The following NLRP1 variants were observed in gnomAD, a reference collection of about 807,000 sequenced individuals.
NLRP1 encodes NACHT, LRR and PYD domains-containing protein 1.
In NLRP1, 94 loss-of-function variants were observed where a neutral mutation model predicts 136.7. The observed-to-expected ratio is 0.69, with a 90% CI of 0.58 to 0.82. The LOEUF (loss-of-function observed/expected upper bound fraction) is 0.82, where lower values mean the gene tolerates loss of function less well. NLRP1 is among the 40% of genes least tolerant of loss of function. The pLI is 0.00. For synonymous variants in NLRP1, 690 were observed against 725.1 expected, an observed-to-expected ratio of 0.95 and a Z score of 0.78; for missense variants, 1,575 against 1,802.7, an observed-to-expected ratio of 0.87 and a Z score of 2.29.
chr17:5,534,508 C>T (rs990364377), intron 8 of NLRP1, among the ~76,000 whole-genome samples: 2 of 152,196 alleles, frequency 1.3e-5, no homozygotes, highest in African/African-American at 4.8e-5. Flanking sequence ...CAACTCCTTC[C>T]TCGCCCACCC....
chr17:5,515,818 G>A (rs1360212450), intron 15 of NLRP1, among the ~76,000 whole-genome samples: 1 of 152,198 alleles, frequency 6.6e-6, no homozygotes, highest in African/African-American at 2.4e-5. Context: ...TTAATCCCGT[G>A]TTGGCCTGAA....
At chr17:5,554,500 C>T (rs1275246658) in intron 4 of NLRP1, among the ~76,000 whole-genome samples, 1 of 152,130 alleles carries the variant, frequency 6.6e-6, no homozygotes, top group African/African-American at 2.4e-5. Context: ...CATCTTTTCC[C>T]CTAAGTCTGC....
intron 11 of NLRP1, among the ~76,000 whole-genome samples, chr17:5,532,117 T>C (rs1910369453): frequency 6.6e-6 from 1 of 152,224 alleles, no homozygotes; most frequent in African/African-American, 2.4e-5. Context: ...CGTGGTGGCA[T>C]GTGACTGTAG....
At chr17:5,512,615 AG>A (rs1195271119), downstream of NLRP1, 8 of 465,112 alleles carry the variant, frequency 1.7e-5, no homozygotes, top group African/African-American at 1.9e-5. Flanking sequence ...CCGAAAGACA[AG>A]GCCAGTCTCA....
At position 5,520,943 on chromosome 17, in the gene NLRP1, A is replaced by G; in HGVS notation, c.3853T>C (p.Tyr1285His). 6.2e-7 allele frequency: 1 copy of G among 1,612,534 alleles called. No individual in the cohort carries two copies. The stretch of plus-strand genomic sequence containing the variant: ...GACACAGTGTAACGACAGCCCATAT[A>G]AAGTGGGGTCAGCGGGGGTGGCTTG... ...IHKPPPLTPLYMGCRYTVSGS... is the reference protein window; with the variant it reads ...IHKPPPLTPLHMGCRYTVSGS... The change falls in exon 14 of 17, where the codon TAT (tyrosine) becomes CAT (histidine). Residue 1285 changes from tyrosine (Y) to histidine (H), a missense_variant. Tyr to His is a moderately conservative substitution (Grantham distance 83, BLOSUM62 2). Coordinates refer to ENST00000572272, the MANE Select transcript of NLRP1 (RefSeq NM_033004.4).
At chr17:5,509,518 C>T (rs904594246), downstream of NLRP1, among the ~76,000 whole-genome samples, 2 of 152,190 alleles carry the variant, frequency 1.3e-5, no homozygotes, top group Admixed American at 6.5e-5. Flanking sequence ...GCATTAAGCT[C>T]AGCCCAGGGC....
In NLRP1 at chr17:5,539,521, G is replaced by A. The variant is rs1308621637; in HGVS notation, c.2764C>T (p.Pro922Ser). 1 of 1,614,036 alleles carries A rather than the reference G, an allele frequency of 6.2e-7. No homozygotes were observed. Among genetic ancestry groups the A allele is most frequent in the Non-Finnish European group, 8.5e-7 (1 of 1,180,004 alleles). The change falls in exon 7 of 17, where the codon CCC becomes TCC. Residue 922 changes from proline (P) to serine (S), a missense_variant. By Grantham distance (74) the Pro-to-Ser change is moderately conservative. Transcript: ENST00000572272. ...TGCAGGTCTAGCTCCTTCAGGCTGGGGCTGGCACTAAGCACAGAGGCCAGG... is the reference window on the plus strand; with the variant it reads ...TGCAGGTCTAGCTCCTTCAGGCTGGAGCTGGCACTAAGCACAGAGGCCAGG... ...QDLASVLSASPSLKELDLQQN... is the reference protein window; with the variant it reads ...QDLASVLSASSSLKELDLQQN...
chr17:5,568,972 C>T (rs1048671495), intron 3 of NLRP1, among the ~76,000 whole-genome samples: 3 of 149,784 alleles, frequency 2.0e-5, no homozygotes, highest in Non-Finnish European at 4.5e-5. Context: ...ACCCCCGTGG[C>T]CACCTACCAC....
Position 5,582,723 on chromosome 17 carries a change from G to C in NLRP1, c.395C>G (p.Ser132Ter). 9 of 1,614,144 alleles carry C rather than the reference G, an allele frequency of 5.6e-6. No homozygotes were observed. The highest frequency in any genetic ancestry group is 7.6e-6 in the Non-Finnish European group (9 of 1,180,020). Reference protein sequence around the residue: ...HELPAGCTQGSERRVLRQLPD... With the variant: ...HELPAGCTQG ...CAGCTGTCTCAAAACCCTTCTCTCT[G>C]AGCCCTGGGTGCACCCCGCCGGCAA... The change falls in exon 2 of 17, where the codon TCA (serine) becomes TGA (stop). Residue 132 changes from serine (S) to a stop codon, truncating the protein, a stop_gained. Coordinates refer to ENST00000572272, the MANE Select transcript of NLRP1 (RefSeq NM_033004.4). LOFTEE classifies it high-confidence loss of function.
intron 12 of NLRP1, among the ~76,000 whole-genome samples, chr17:5,522,975 C>T (rs1469567970): frequency 1.3e-5 from 2 of 152,046 alleles, no homozygotes; most frequent in South Asian, 2.1e-4. Flanking sequence ...GCAAGCCAAG[C>T]CCCCCACTCA....
At chr17:5,553,605 G>A in intron 4 of NLRP1, 49 bp from the exon 5 acceptor site, 1 of 1,551,760 alleles carries the variant, frequency 6.4e-7, no homozygotes, top group Non-Finnish European at 8.8e-7. Flanking sequence ...TCTGGCAGGG[G>A]TTTGAGGTGC....
intron 3 of NLRP1, among the ~76,000 whole-genome samples, chr17:5,581,533 G>A (rs1432347410): frequency 1.3e-5 from 2 of 152,160 alleles, no homozygotes; most frequent in African/African-American, 2.4e-5. Flanking sequence ...GAGCTCAGTG[G>A]AAATTGAACC....
Position 5,532,999 on chromosome 17 carries a change from C to T in NLRP1, c.3134-15G>A. On this transcript the variant is annotated splice_polypyrimidine_tract_variant and intron_variant, in intron 10 of 16. Coordinates refer to ENST00000572272, the MANE Select transcript of NLRP1 (RefSeq NM_033004.4). ...GGAGCTTTCCTCTGAAACAGCAAGG[C>T]AGCGGTCAGCTCCAGATTCTCCCGC... 6.2e-7 allele frequency: 1 copy of T among 1,606,482 alleles called. No individual in the cohort carries two copies. Among genetic ancestry groups the T allele is most frequent in the East Asian group, 2.2e-5 (1 of 44,824 alleles).
rs201815724 is a variant in NLRP1, at chr17:5,521,563, G to A, written c.3744C>T (p.Phe1248=). 1.2e-6 allele frequency: 2 copies of A among 1,614,114 alleles called. No individual in the cohort carries two copies. The highest frequency in any genetic ancestry group is 2.2e-5 in the South Asian group (2 of 91,074). ...YHRVHPEEVT[F]HLYLIPSDCS... is the part of the protein sequence containing the mutation. The stretch of plus-strand genomic sequence containing the variant: ...AGTCACTTGGGATCAGGTAGAGGTG[G>A]AAGGTGACTTCCTCAGGATGGACGC... The change falls in exon 13 of 17, where the codon TTC becomes TTT. Residue 1248 remains phenylalanine (F), a synonymous_variant. Transcript: ENST00000572272.
In NLRP1 at chr17:5,559,331, C is replaced by T; in HGVS notation, c.1365G>A (p.Leu455=). The part of the protein sequence containing the change: ...GKTILPEASF[L]ITARTTALQN... ...GCAGAGCTGTGGTCCGAGCCGTGAT[C>T]AGGAAGGATGCCTCGGGAAGTATAG... The change falls in exon 4 of 17, where the codon CTG becomes CTA. Residue 455 remains leucine, a synonymous_variant. Transcript: ENST00000572272. 6.2e-7 allele frequency: 1 copy of T among 1,614,126 alleles called. No homozygotes were observed. Among genetic ancestry groups the T allele is most frequent in the Non-Finnish European group, 8.5e-7 (1 of 1,179,968 alleles).
At chr17:5,553,674 G>A in intron 4 of NLRP1, 118 bp from the exon 5 acceptor site, 1 of 875,780 alleles carries the variant, frequency 1.1e-6, no homozygotes, top group Admixed American at 2.4e-5. Flanking sequence ...ACAGCGGGTA[G>A]TGCCATCTCC....
intron 8 of NLRP1, among the ~76,000 whole-genome samples, chr17:5,536,285 A>G (rs544850693): frequency 0.047 from 7,086 of 151,784 alleles, 187 homozygotes; most frequent in Middle Eastern, 0.088. Flanking sequence ...AGTAGCTGAG[A>G]CTACAGGCGT....
At chr17:5,553,654 G>T in intron 4 of NLRP1, 98 bp from the exon 5 acceptor site, 1 of 1,112,098 alleles carries the variant, frequency 9.0e-7, no homozygotes, top group Non-Finnish European at 1.3e-6. Context: ...GTCCCCCTGA[G>T]CACCAGGCCA....
chr17:5,506,175 C>T (rs1210051658), intron 15 of NLRP1, among the ~76,000 whole-genome samples: 1 of 151,620 alleles, frequency 6.6e-6, no homozygotes, highest in Non-Finnish European at 1.5e-5. Flanking sequence ...TCACGGCTAC[C>T]CGAGAGGCTG....
Sources: gnomAD v4.1 joint callset for allele counts (sites outside exome capture counted in the v4.1 genomes callset) on GRCh38, gnomAD v4.1.1 for gene constraint, MANE v1.5 for transcripts, NCBI Gene and HGNC (gene_info 2026-07-23, HGNC 2026-07-21) for gene names.